The following NVL variants were observed in gnomAD, a reference collection of about 807,000 sequenced individuals.
The protein encoded by NVL is nuclear VCP like.
Under a neutral mutation model 110.2 loss-of-function variants are expected in NVL, and 84 were observed. The observed-to-expected ratio is 0.76, with a 90% CI of 0.64 to 0.91. NVL has a LOEUF of 0.91. Among genes scored for constraint, NVL ranks in the 40% least tolerant of loss-of-function variants. NVL has a pLI of 0.00. For missense variants in NVL, 882 were observed against 1,035.9 expected (o/e 0.85, Z 2.04); for synonymous variants, 354 against 361.1 (o/e 0.98, Z 0.22).
intron 2 of NVL, among the ~76,000 whole-genome samples, chr1:224,321,641 G>A (rs191989277): frequency 3.3e-5 from 5 of 151,554 alleles, no homozygotes; most frequent in African/African-American, 1.2e-4. Context: ...CTGTAGTCCT[G>A]GCTACTTGGG....
At chr1:224,277,182 G>A (rs749410680) in intron 16 of NVL, among the ~76,000 whole-genome samples, 2 of 152,026 alleles carry the variant, frequency 1.3e-5, no homozygotes, top group Non-Finnish European at 2.9e-5. Flanking sequence ...TAACATTTGA[G>A]CTCTTCTACC....
chr1:224,317,121 AGAGT>A (rs917727122), intron 4 of NVL, among the ~76,000 whole-genome samples: 20 of 151,686 alleles, frequency 1.3e-4, no homozygotes, highest in African/African-American at 4.8e-4. Context: ...CCTGGGTGAC[AGAGT>A]GAGACTTAAT....
intron 5 of NVL, among the ~76,000 whole-genome samples, chr1:224,310,770 G>A (rs921064483): frequency 6.8e-6 from 1 of 147,038 alleles, no homozygotes; most frequent in South Asian, 2.1e-4. Context: ...AAGGTCTGTC[G>A]CCCAGGCTGA....
intron 17 of NVL, among the ~76,000 whole-genome samples, chr1:224,272,761 G>A (rs1243587730): frequency 2.0e-5 from 3 of 151,516 alleles, no homozygotes; most frequent in Non-Finnish European, 1.5e-5. Context: ...CAGGCCGTGC[G>A]CGGTGGCTCA....
At chr1:224,232,897 T>C in intron 21 of NVL, 1 of 231,634 alleles carries the variant, frequency 4.3e-6, no homozygotes, top group Non-Finnish European at 8.3e-6. Flanking sequence ...GATATCACCT[T>C]AGCAAAAGAA....
At chr1:224,319,556 T>A (rs1206563688) in intron 2 of NVL, among the ~76,000 whole-genome samples, 1 of 152,128 alleles carries the variant, frequency 6.6e-6, no homozygotes. Flanking sequence ...ATTTACTTGG[T>A]TGTTGTGTCT....
chr1:224,320,379 G>T (rs1005946707), intron 2 of NVL, among the ~76,000 whole-genome samples: 3 of 152,130 alleles, frequency 2.0e-5, no homozygotes, highest in African/African-American at 4.8e-5. Context: ...CAGCGCAGTG[G>T]CTCACACTTG....
At chr1:224,231,189 A>G (rs753668987) in intron 22 of NVL, 37 bp downstream of exon 22, 2 of 1,413,246 alleles carry the variant, frequency 1.4e-6, no homozygotes, top group East Asian at 2.3e-5. Context: ...CTAAAATTCT[A>G]GTTTCCTTTC....
At chr1:224,315,624 G>T (rs1669988814) in intron 4 of NVL, among the ~76,000 whole-genome samples, 1 of 152,150 alleles carries the variant, frequency 6.6e-6, no homozygotes, top group Non-Finnish European at 1.5e-5. Flanking sequence ...CTCATAAACT[G>T]CTAATGTAAA....
chr1:224,253,782 C>T (rs1328849498), intron 18 of NVL, among the ~76,000 whole-genome samples: 1 of 151,166 alleles, frequency 6.6e-6, no homozygotes, highest in African/African-American at 2.4e-5. Context: ...AACTGTTTTC[C>T]AAACTACTTG....
At chr1:224,330,011 G>A in intron 1 of NVL, 60 bp downstream of exon 1, 1 of 1,538,258 alleles carries the variant, frequency 6.5e-7, no homozygotes, top group East Asian at 2.3e-5. Context: ...CAAAAGGGGA[G>A]TGGCACCCTG....
Position 224,305,037 on chromosome 1 carries a change from T to C in NVL, c.745A>G (p.Lys249Glu). 1 of 1,613,168 alleles carries C rather than the reference T, an allele frequency of 6.2e-7. No individual in the cohort carries two copies. Among genetic ancestry groups the C allele is most frequent in the Non-Finnish European group, 8.5e-7 (1 of 1,179,728 alleles). The change falls in exon 7 of 23, where the codon AAA becomes GAA. Residue 249 changes from lysine to glutamate, a missense_variant. This residue lies in a region of NVL where 416 missense variants were observed against 499.3 expected (regional missense o/e 0.83). Transcript: ENST00000281701. ...ACCAACAAGACTCACACCTTACCTT[T>C]CTTTTGCAGGACAGCTTCAATTTCT... ...DGEIEAVLQKKAKARGLEFQI... is the reference protein window; with the variant it reads ...DGEIEAVLQKEAKARGLEFQI...
At chr1:224,297,031 T>C (rs1667947478) in intron 10 of NVL, among the ~76,000 whole-genome samples, 6 of 152,222 alleles carry the variant, frequency 3.9e-5, no homozygotes, top group Admixed American at 3.9e-4. Flanking sequence ...AGAAACGTTA[T>C]GAGGGTTTCT....
chr1:224,230,423 T>C (rs1253689303), intron 22 of NVL, among the ~76,000 whole-genome samples: 1 of 151,910 alleles, frequency 6.6e-6, no homozygotes, highest in African/African-American at 2.4e-5. Context: ...ACCAATATGG[T>C]GAAACCCTGT....
At chr1:224,275,552 T>G in intron 16 of NVL, 94 bp from the exon 17 acceptor site, 1 of 1,484,090 alleles carries the variant, frequency 6.7e-7, no homozygotes, top group Non-Finnish European at 9.3e-7. Context: ...CATAAACTAG[T>G]TTTATGTGTC....
intron 9 of NVL, among the ~76,000 whole-genome samples, chr1:224,302,406 G>A (rs1190659139): frequency 2.6e-5 from 4 of 152,056 alleles, no homozygotes; most frequent in Non-Finnish European, 5.9e-5. Flanking sequence ...TCTCCATGTT[G>A]GTCAGGCTGG....
chr1:224,251,603 G>A (rs1662515380), intron 18 of NVL, among the ~76,000 whole-genome samples: 2 of 152,190 alleles, frequency 1.3e-5, no homozygotes, highest in Non-Finnish European at 2.9e-5. Context: ...TCGTGCCACT[G>A]CACTCCAGCC....
At chr1:224,305,325 T>C in intron 6 of NVL, 159 bp from the exon 7 acceptor site, 2 of 665,998 alleles carry the variant, frequency 3.0e-6, no homozygotes, top group Non-Finnish European at 4.9e-6. Context: ...ATGCTGTCTA[T>C]TGTGAAAGTC....
rs559375068 is a variant in NVL, at chr1:224,244,078, A to C, written c.2289+6134T>G. On this transcript the variant is annotated intron_variant, in intron 19 of 22. Coordinates refer to ENST00000281701, the MANE Select transcript of NVL (RefSeq NM_002533.4). ...AAGGAAGTAGAAGTTATGAAAAAAA[A>C]ATCTGGGGGCCGGGCGTGGTGGCTC... 1.1e-4 allele frequency among the ~76,000 whole-genome samples: 16 copies of C among 151,984 alleles called. No individual in the cohort carries two copies. The South Asian group carries it at 1.5e-3, about 14-fold the overall frequency.
Sources: gnomAD v4.1 joint callset for allele counts (sites outside exome capture counted in the v4.1 genomes callset) on GRCh38, gnomAD v4.1.1 for gene constraint, gnomAD v4.1.1 regional missense constraint, MANE v1.5 for transcripts, NCBI Gene and HGNC (gene_info 2026-07-23, HGNC 2026-07-21) for gene names.